The following ZNRF1 variants were observed in gnomAD, a reference collection of about 807,000 sequenced individuals.
The protein encoded by ZNRF1 is E3 ubiquitin-protein ligase ZNRF1.
Under a neutral mutation model 18.4 loss-of-function variants are expected in ZNRF1, and 3 were observed. That is an observed-to-expected ratio of 0.16 (90% CI 0.07 to 0.42). The LOEUF is 0.42. ZNRF1 is among the 10% of genes least tolerant of loss of function. The pLI is 0.99. For synonymous variants in ZNRF1, 157 were observed against 144.2 expected (o/e 1.09, Z -0.64); for missense variants, 310 against 329.8 (o/e 0.94, Z 0.47).
rs1333617813 is a variant in ZNRF1 at position 75,110,757 on chromosome 16, AAAG to A, written c.*3062_*3064del. ...GTTGCCAGGCACTGGAGGGCGCATC[AAAG>A]AAGAGTCCTACCCAGGAGGGAGAGC... On this transcript the variant is annotated 3_prime_UTR_variant, in exon 5 of 5. Coordinates refer to ENST00000335325, the MANE Select transcript of ZNRF1 (RefSeq NM_032268.5). The A allele has an allele frequency of 6.6e-6, 1 of 152,220 alleles. No individual in the cohort carries two copies. The highest frequency in any genetic ancestry group is 1.5e-5 in the Non-Finnish European group (1 of 68,056). The allele number at this position is 152,220 out of a possible 1,614,324, so 9.4% of individuals were successfully genotyped here. A position where few individuals can be genotyped will look rare whatever the true frequency, so the allele number is the denominator to read the frequency against.
chr16:75,106,355 T>A, intron 3 of ZNRF1, 127 bp from the exon 4 acceptor site: 1 of 878,816 alleles, frequency 1.1e-6, no homozygotes, highest in African/African-American at 1.7e-5. Flanking sequence ...ATGACTGTGT[T>A]TCCCTGGGGT....
chr16:75,045,098 T>A (rs998276044), intron 1 of ZNRF1, among the ~76,000 whole-genome samples: 1 of 152,196 alleles, frequency 6.6e-6, no homozygotes, highest in African/African-American at 2.4e-5. Flanking sequence ...GGGTGGTGCT[T>A]GTCCGGCTGC....
At chr16:75,024,263 C>A (rs1178385848) in intron 1 of ZNRF1, among the ~76,000 whole-genome samples, 1 of 152,164 alleles carries the variant, frequency 6.6e-6, no homozygotes, top group South Asian at 2.1e-4. Context: ...CTGTCCTTGG[C>A]TTAGGGAATT....
chr16:75,089,514 C>G (rs2036111533), intron 1 of ZNRF1, among the ~76,000 whole-genome samples: 1 of 152,204 alleles, frequency 6.6e-6, no homozygotes, highest in African/African-American at 2.4e-5. Context: ...TCTTCCTACA[C>G]CAGTGGTGCT....
intron 3 of ZNRF1, 137 bp from the exon 4 acceptor site, chr16:75,106,345 A>G: frequency 3.8e-6 from 3 of 792,638 alleles, no homozygotes; most frequent in East Asian, 2.6e-5. Flanking sequence ...ATCTGGGGAC[A>G]TGACTGTGTT....
chr16:75,010,314 A>C (rs2034977717), intron 1 of ZNRF1, among the ~76,000 whole-genome samples: 1 of 152,102 alleles, frequency 6.6e-6, no homozygotes, highest in Non-Finnish European at 1.5e-5. Flanking sequence ...TGTTGATTTT[A>C]GTGCAGTTTT....
intron 1 of ZNRF1, among the ~76,000 whole-genome samples, chr16:75,034,120 T>C (rs1402772845): frequency 2.0e-5 from 3 of 152,196 alleles, no homozygotes. Flanking sequence ...ATTGTGCCAC[T>C]GCACCCCAGC....
intron 1 of ZNRF1, among the ~76,000 whole-genome samples, chr16:75,045,556 CTTGTTTGTTTGT>C (rs67324313): frequency 1.3e-5 from 2 of 151,114 alleles, no homozygotes; most frequent in African/African-American, 4.9e-5. Context: ...TAGTAATAGA[CTTGTTTGTTTGT>C]TTGTTTGTTT....
At chr16:75,037,632 CTGGCCCACTCTTCT>C (rs1281615315) in intron 1 of ZNRF1, among the ~76,000 whole-genome samples, 4 of 152,204 alleles carry the variant, frequency 2.6e-5, no homozygotes, top group African/African-American at 9.7e-5. Flanking sequence ...GCCAGCATTC[CTGGCCCACTCTTCT>C]TGTTTGTGGG....
chr16:75,056,020 A>G (rs973242731), intron 1 of ZNRF1, among the ~76,000 whole-genome samples: 3 of 152,160 alleles, frequency 2.0e-5, no homozygotes, highest in African/African-American at 7.2e-5. Flanking sequence ...GGCATGTTGT[A>G]TTTCTATGTA....
intron 1 of ZNRF1, among the ~76,000 whole-genome samples, chr16:75,068,883 T>C (rs900322756): frequency 6.6e-6 from 1 of 152,050 alleles, no homozygotes; most frequent in Non-Finnish European, 1.5e-5. Flanking sequence ...CTTTTTTTTT[T>C]TCTCCCTCTT....
At chr16:75,049,716 C>T (rs966550148) in intron 1 of ZNRF1, among the ~76,000 whole-genome samples, 15 of 152,202 alleles carry the variant, frequency 9.9e-5, no homozygotes, top group African/African-American at 2.4e-4. Context: ...TTTGTACCTT[C>T]GCCCGGTTTT....
chr16:75,068,645 G>A (rs1359384971), intron 1 of ZNRF1, among the ~76,000 whole-genome samples: 1 of 152,066 alleles, frequency 6.6e-6, no homozygotes, highest in Non-Finnish European at 1.5e-5. Context: ...GTGTGTGTGA[G>A]GGCCTCCGAG....
chr16:75,060,123 G>A (rs561476983), intron 1 of ZNRF1, among the ~76,000 whole-genome samples: 12 of 151,928 alleles, frequency 7.9e-5, no homozygotes, highest in African/African-American at 2.7e-4. Context: ...ACACGATCTC[G>A]GCTCACTGCA....
At chr16:75,031,492 T>TTTTG (rs149369550) in intron 1 of ZNRF1, among the ~76,000 whole-genome samples, 4 of 151,912 alleles carry the variant, frequency 2.6e-5, no homozygotes, top group Admixed American at 6.6e-5. Flanking sequence ...TTCTAAGGTT[T>TTTTG]TTTGTTTGTT....
chr16:75,000,335 C>A (rs764639278), intron 1 of ZNRF1: 3 of 695,446 alleles, frequency 4.3e-6, no homozygotes, highest in Admixed American at 4.1e-5. Flanking sequence ...AAGGGCAGAG[C>A]GAAGCCTACC....
chr16:75,012,716 C>G (rs1401870710), intron 1 of ZNRF1, among the ~76,000 whole-genome samples: 2 of 152,106 alleles, frequency 1.3e-5, no homozygotes, highest in African/African-American at 2.4e-5. Context: ...CTGTTTTCAA[C>G]TTCATTATTT....
intron 1 of ZNRF1, among the ~76,000 whole-genome samples, chr16:75,015,795 A>G (rs951621464): frequency 6.6e-5 from 10 of 152,194 alleles, no homozygotes; most frequent in African/African-American, 2.2e-4. Flanking sequence ...CTCCCAGCCT[A>G]TAATTAAATT....
rs1298098429 is a variant in ZNRF1, at chr16:75,001,428, A to AT, written c.424+1337dup. 2.7e-5 allele frequency among the ~76,000 whole-genome samples: 4 copies of AT among 149,068 alleles called. No individual in the cohort carries two copies. The East Asian group carries it at 7.8e-4, about 29-fold the overall frequency. On this transcript the variant is annotated intron_variant, in intron 1 of 4. Transcript: ENST00000335325. Reference sequence around the variant, plus strand: ...GTAGCTTGTGAATTGTTAGGATGATATTTTAATCTCTGACAGACCTCCGGA... The same window carrying AT: ...GTAGCTTGTGAATTGTTAGGATGATATTTTTAATCTCTGACAGACCTCCGGA...
Sources: gnomAD v4.1 joint callset for allele counts (sites outside exome capture counted in the v4.1 genomes callset) on GRCh38, gnomAD v4.1.1 for gene constraint, MANE v1.5 for transcripts, NCBI Gene and HGNC (gene_info 2026-07-23, HGNC 2026-07-21) for gene names.